The following UNC13B variants were observed in gnomAD, a reference collection of about 807,000 sequenced individuals.
UNC13B encodes the protein unc-13 homolog B.
UNC13B carries 144 observed loss-of-function variants against 211.0 expected under a neutral mutation model. The observed-to-expected ratio is 0.68, with a 90% CI of 0.60 to 0.78. UNC13B has a LOEUF of 0.78. UNC13B is among the 30% of genes least tolerant of loss of function. UNC13B has a pLI of 0.00. For synonymous variants in UNC13B, 709 were observed against 725.8 expected (o/e 0.98, Z 0.37); for missense variants, 1,777 against 2,002.0 (o/e 0.89, Z 2.14).
intron 14 of UNC13B, 108 bp downstream of exon 14, chr9:35,375,309 C>A: frequency 1.7e-6 from 2 of 1,184,264 alleles, no homozygotes; most frequent in Non-Finnish European, 2.5e-6. Flanking sequence ...GAGTGCTGGA[C>A]ACACATTGCT....
At chr9:35,192,134 C>G (rs1474443409) in intron 1 of UNC13B, among the ~76,000 whole-genome samples, 1 of 152,138 alleles carries the variant, frequency 6.6e-6, no homozygotes, top group East Asian at 1.9e-4. Flanking sequence ...CAACTCTAAG[C>G]CAAGCATTTT....
chr9:35,203,835 T>C (rs1823475638), intron 1 of UNC13B, among the ~76,000 whole-genome samples: 1 of 152,188 alleles, frequency 6.6e-6, no homozygotes, highest in South Asian at 2.1e-4. Flanking sequence ...AAAAACCCCA[T>C]TTTCAGTGGA....
At chr9:35,389,738 T>C in intron 24 of UNC13B, 108 bp from the exon 25 acceptor site, 5 of 1,233,948 alleles carry the variant, frequency 4.1e-6, no homozygotes, top group Non-Finnish European at 5.8e-6. Flanking sequence ...TCCTTGATTC[T>C]AGAGGAAGAG....
Position 35,375,184 on chromosome 9 carries a change from C to T in UNC13B, c.9598C>T (p.Leu3200Phe). ...TTCTGCAATGGCTACACGCACTTCT[C>T]TTAAGGACGAAGAGCTGGTAAGTGT... ...ITSAMATRTS[L>F]KDEELKSHVY... The change falls in exon 14 of 40, where the codon CTT (leucine) becomes TTT (phenylalanine). Residue 3200 changes from leucine (L) to phenylalanine (F), a missense_variant. By Grantham distance (22) the Leu-to-Phe change is conservative (BLOSUM62 0). Coordinates refer to ENST00000635942, the MANE Select transcript of UNC13B (RefSeq NM_001371189.2). The T allele has an allele frequency of 6.2e-7, 1 of 1,614,136 alleles. No homozygotes were observed. Among genetic ancestry groups the T allele is most frequent in the Non-Finnish European group, 8.5e-7 (1 of 1,179,964 alleles).
At chr9:35,397,523 C>A in intron 29 of UNC13B, 112 bp from the exon 30 acceptor site, 1 of 1,338,096 alleles carries the variant, frequency 7.5e-7, no homozygotes. Context: ...TGGGATTCCC[C>A]CTTTACCTCC....
intron 1 of UNC13B, among the ~76,000 whole-genome samples, chr9:35,173,176 G>T (rs1821425229): frequency 6.6e-6 from 1 of 152,192 alleles, no homozygotes; most frequent in Admixed American, 6.5e-5. Flanking sequence ...TATATAATTA[G>T]AGTTGGGGCA....
At chr9:35,400,261 G>T in intron 36 of UNC13B, 35 bp from the exon 37 acceptor site, 13 of 1,608,036 alleles carry the variant, frequency 8.1e-6, no homozygotes, top group South Asian at 1.1e-5. Flanking sequence ...TCTGTAAGGG[G>T]ATGAAGCAGT....
chr9:35,262,065 C>T (rs965167565), intron 7 of UNC13B, among the ~76,000 whole-genome samples: 8 of 152,182 alleles, frequency 5.3e-5, no homozygotes, highest in South Asian at 2.1e-4. Context: ...TTGCCTATTG[C>T]GAACATTGCT....
intron 11 of UNC13B, among the ~76,000 whole-genome samples, chr9:35,348,994 C>T (rs1033810750): frequency 3.9e-4 from 59 of 152,098 alleles, no homozygotes; most frequent in African/African-American, 1.3e-3. Context: ...CTTGGCTCAC[C>T]GCAACCTCTG....
chr9:35,207,674 T>C (rs1823742286), intron 1 of UNC13B, among the ~76,000 whole-genome samples: 1 of 152,012 alleles, frequency 6.6e-6, no homozygotes, highest in South Asian at 2.1e-4. Flanking sequence ...GAAATATTTA[T>C]TCAGATCCTT....
At chr9:35,162,437 C>T (rs905844882) in intron 1 of UNC13B, 132 bp downstream of exon 1, 28 of 1,213,724 alleles carry the variant, frequency 2.3e-5, no homozygotes, top group Middle Eastern at 2.0e-4. Flanking sequence ...ATTATTTTGG[C>T]AATCACTTAA....
At chr9:35,363,088 G>T (rs1391326197) in intron 11 of UNC13B, among the ~76,000 whole-genome samples, 1 of 152,174 alleles carries the variant, frequency 6.6e-6, no homozygotes, top group East Asian at 1.9e-4. Context: ...TTGAGTATGT[G>T]ACGTCTTTGT....
At chr9:35,219,186 G>A (rs376593477) in intron 1 of UNC13B, among the ~76,000 whole-genome samples, 22 of 152,186 alleles carry the variant, frequency 1.4e-4, no homozygotes, top group Middle Eastern at 3.2e-3. Context: ...GGCCGATGGC[G>A]TTAGATTTCC....
At chr9:35,186,178 G>T (rs1822349310) in intron 1 of UNC13B, among the ~76,000 whole-genome samples, 2 of 151,714 alleles carry the variant, frequency 1.3e-5, no homozygotes, top group African/African-American at 4.8e-5. Context: ...CACCCTACTA[G>T]GTGTAGACCC....
chr9:35,311,948 A>G (rs1478578470), intron 10 of UNC13B, among the ~76,000 whole-genome samples: 1 of 152,226 alleles, frequency 6.6e-6, no homozygotes, highest in East Asian at 1.9e-4. Context: ...GAGCAGAGCC[A>G]GAGTTCTCAG....
At chr9:35,181,300 T>G (rs1033720149) in intron 1 of UNC13B, among the ~76,000 whole-genome samples, 1 of 152,200 alleles carries the variant, frequency 6.6e-6, no homozygotes, top group African/African-American at 2.4e-5. Flanking sequence ...GCAAGTCTCT[T>G]AGAGCAAGTT....
At chr9:35,316,020 G>T (rs1014731289) in intron 11 of UNC13B, among the ~76,000 whole-genome samples, 3 of 152,138 alleles carry the variant, frequency 2.0e-5, no homozygotes, top group Non-Finnish European at 4.4e-5. Context: ...CATTGGCCAG[G>T]TTTCTCCACT....
intron 7 of UNC13B, among the ~76,000 whole-genome samples, chr9:35,290,510 T>G (rs1018662145): frequency 6.6e-6 from 1 of 151,772 alleles, no homozygotes; most frequent in Non-Finnish European, 1.5e-5. Context: ...TCTTAAGAGA[T>G]AAACATTGCC....
chr9:35,397,327 C>T lies in UNC13B; in HGVS notation c.11676+17C>T, dbSNP rs1459277665. 1.9e-6 allele frequency: 3 copies of T among 1,611,938 alleles called. No individual in the cohort carries two copies. Among genetic ancestry groups the T allele is most frequent in the Non-Finnish European group, 8.5e-7 (1 of 1,178,656 alleles). ...TTTGCTAAGGTGACCATAACTCTTCCTACTCCCTCCCCCTTACCACCACCA... is the reference window on the plus strand; with the variant it reads ...TTTGCTAAGGTGACCATAACTCTTCTTACTCCCTCCCCCTTACCACCACCA... On this transcript the variant is annotated intron_variant, in intron 29 of 39. Coordinates refer to ENST00000635942, the MANE Select transcript of UNC13B (RefSeq NM_001371189.2).
Sources: allele counts gnomAD v4.1 joint callset (sites outside exome capture counted in the v4.1 genomes callset), GRCh38; gene constraint gnomAD v4.1.1; transcripts MANE v1.5; gene names NCBI Gene and HGNC (gene_info 2026-07-23, HGNC 2026-07-21).